The following ARHGEF3 variants were observed in gnomAD, a reference collection of about 807,000 sequenced individuals.
ARHGEF3 encodes the protein Rho guanine nucleotide exchange factor 3, also known as 59.8 kDA protein.
ARHGEF3 carries 28 observed loss-of-function variants against 63.2 expected under a neutral mutation model. The ratio of observed to expected loss-of-function variants is 0.44; its 90% CI spans 0.33 to 0.61. The LOEUF is 0.61. Among genes scored for constraint, ARHGEF3 ranks in the 20% least tolerant of loss-of-function variants. The probability of loss-of-function intolerance (pLI) is 0.03; values close to 1 mark genes in which losing one functional copy is unlikely to be tolerated. For synonymous variants in ARHGEF3, 266 were observed against 254.2 expected (o/e 1.05, Z -0.44); for missense variants, 533 against 659.3 (o/e 0.81, Z 2.10).
intron 1 of ARHGEF3, chr3:57,074,974 C>T (rs1004333853): frequency 1.2e-5 from 2 of 167,292 alleles, no homozygotes; most frequent in Non-Finnish European, 2.9e-5. Context: ...GTTCTGCCTA[C>T]ATTGTCTCAT....
chr3:56,876,726 C>T (rs1578738643), intron 4 of ARHGEF3, among the ~76,000 whole-genome samples: 2 of 152,236 alleles, frequency 1.3e-5, no homozygotes, highest in African/African-American at 4.8e-5. Flanking sequence ...TCCTATCCCA[C>T]TCCAAGTGAT....
At chr3:56,741,649 G>A (rs1363672560) in intron 7 of ARHGEF3, among the ~76,000 whole-genome samples, 9 of 151,536 alleles carry the variant, frequency 5.9e-5, no homozygotes, top group East Asian at 3.9e-4. Context: ...GACTACAGGC[G>A]CCTGCCACCA....
chr3:56,732,571 A>G (rs2033250431), intron 8 of ARHGEF3, 147 bp from the exon 9 acceptor site: 1 of 906,216 alleles, frequency 1.1e-6, no homozygotes, highest in African/African-American at 1.7e-5. Flanking sequence ...CAGGAGAACC[A>G]AAGTTGGGCA....
At position 57,051,957 on chromosome 3, in the gene ARHGEF3, T is replaced by G. The variant is rs912095431; in HGVS notation, c.-27-16781A>C. Among the ~76,000 whole-genome samples the G allele has an allele frequency of 1.0e-4, 15 of 149,398 alleles. No individual in the cohort carries two copies. The Admixed American group carries it at 1.0e-3, about 10-fold the overall frequency. Reference sequence around the variant, plus strand: ...TAGCCTGGGTGACAGAGTAAGAGTCTGCCTCAAAAAAAAAAAAGTACCCTT... The same window carrying G: ...TAGCCTGGGTGACAGAGTAAGAGTCGGCCTCAAAAAAAAAAAAGTACCCTT... On this transcript the variant is annotated intron_variant, in intron 1 of 12. Coordinates refer to the ARHGEF3 transcript ENST00000338458.
At chr3:57,058,826 G>C (rs568311683) in intron 1 of ARHGEF3, among the ~76,000 whole-genome samples, 1 of 152,114 alleles carries the variant, frequency 6.6e-6, no homozygotes, top group South Asian at 2.1e-4. Flanking sequence ...AAAATGATGA[G>C]TTCATGTCCT....
intron 3 of ARHGEF3, among the ~76,000 whole-genome samples, chr3:56,945,429 C>T (rs936191077): frequency 7.2e-5 from 11 of 152,164 alleles, no homozygotes; most frequent in Non-Finnish European, 1.5e-4. Flanking sequence ...TAATACTGAG[C>T]TTTTCCAACG....
chr3:56,773,018 TA>T (rs1479087359), intron 2 of ARHGEF3, among the ~76,000 whole-genome samples: 1 of 152,198 alleles, frequency 6.6e-6, no homozygotes, highest in Non-Finnish European at 1.5e-5. Flanking sequence ...GTCCTCATTC[TA>T]AGCCAAGGGT....
intron 2 of ARHGEF3, among the ~76,000 whole-genome samples, chr3:56,981,455 T>C (rs1644296249): frequency 6.6e-6 from 1 of 152,190 alleles, no homozygotes; most frequent in Admixed American, 6.5e-5. Context: ...AGGAGCAGCA[T>C]AGCTTGAGCA....
upstream of ARHGEF3, among the ~76,000 whole-genome samples, chr3:56,805,730 C>A (rs2037842019): frequency 6.6e-6 from 1 of 152,206 alleles, no homozygotes; most frequent in South Asian, 2.1e-4. Context: ...AAACATACCT[C>A]TTTTCCACTA....
intron 4 of ARHGEF3, among the ~76,000 whole-genome samples, chr3:56,879,117 T>G (rs2040686067): frequency 6.6e-6 from 1 of 152,232 alleles, no homozygotes; most frequent in Non-Finnish European, 1.5e-5. Context: ...TACATTATCA[T>G]GAGTTGTGTA....
intron 3 of ARHGEF3, among the ~76,000 whole-genome samples, chr3:56,899,063 A>C (rs1967185): frequency 0.2 from 30,765 of 152,054 alleles, 4,055 homozygotes; most frequent in East Asian, 0.52. Flanking sequence ...AAAAACAAAA[A>C]ACAACAACAA....
rs186429192 is a variant in ARHGEF3, at chr3:56,996,561, C to T, written c.63-37672G>A. Among the ~76,000 whole-genome samples the T allele has an allele frequency of 6.1e-4, 93 of 152,292 alleles. 1 individual carries two copies. In the East Asian group the frequency reaches 0.012, roughly 19 times the overall value. On this transcript the variant is annotated intron_variant, in intron 2 of 12. Transcript: ENST00000338458. The stretch of plus-strand genomic sequence containing the variant: ...ACAGTGAGAAGGCACCATCTATGAA[C>T]GAGGAAATGGGCCCTCACAAGATGC...
At chr3:56,851,516 T>C (rs1459738777) in intron 4 of ARHGEF3, among the ~76,000 whole-genome samples, 1 of 148,750 alleles carries the variant, frequency 6.7e-6, no homozygotes, top group Non-Finnish European at 1.5e-5. Context: ...GCCTCCCAAG[T>C]AGCTGGGACT....
rs752342971 is a variant in ARHGEF3 at position 56,737,239 on chromosome 3, G to T, written c.987C>A (p.Ile329=). ...YLEEGQKDSL[I]DSSRVLCCHG... is the part of the protein sequence containing the mutation. ...GACAACACAAGACTCGAGAGCTGTCGATCAGGGAGTCTTTCTGGCCTTCTT... is the reference window on the plus strand; with the variant it reads ...GACAACACAAGACTCGAGAGCTGTCTATCAGGGAGTCTTTCTGGCCTTCTT... Residue 329 remains isoleucine, a synonymous_variant, in exon 8 of 10, where the codon ATC becomes ATA. Coordinates refer to ENST00000296315, the MANE Select transcript of ARHGEF3 (RefSeq NM_019555.3). The T allele has an allele frequency of 1.2e-6, 2 of 1,613,930 alleles. No individual in the cohort carries two copies. The highest frequency in any genetic ancestry group is 1.7e-6 in the Non-Finnish European group (2 of 1,179,970).
intron 4 of ARHGEF3, among the ~76,000 whole-genome samples, chr3:56,866,878 C>G (rs2040268131): frequency 6.6e-6 from 1 of 152,216 alleles, no homozygotes. Context: ...TACCACTATC[C>G]TGAGAGATCT....
intron 1 of ARHGEF3, among the ~76,000 whole-genome samples, chr3:57,061,505 T>G (rs1422938388): frequency 6.6e-6 from 1 of 152,216 alleles, no homozygotes; most frequent in Non-Finnish European, 1.5e-5. Flanking sequence ...TTCCATTGTA[T>G]GTACATACCA....
Position 56,782,513 on chromosome 3 carries a change from C to T in ARHGEF3, c.97-8697G>A, listed in dbSNP as rs199646696. ...GCCACATTCTTGTGTTTGTTTTCTC[C>T]GGCCGTGAGTTTGGTTGCCAGTTGC... is the stretch of plus-strand genomic sequence containing the variant. On this transcript the variant is annotated intron_variant, in intron 1 of 9. Transcript: ENST00000296315. Among the ~76,000 whole-genome samples, 16 of 151,648 alleles carry T rather than the reference C, an allele frequency of 1.1e-4. 1 individual carries two copies. The East Asian group carries it at 1.7e-3, about 16-fold the overall frequency.
At chr3:56,855,047 G>A (rs1004320016) in intron 4 of ARHGEF3, among the ~76,000 whole-genome samples, 13 of 152,242 alleles carry the variant, frequency 8.5e-5, no homozygotes, top group Non-Finnish European at 1.3e-4. Context: ...GCAAGACCTG[G>A]TGGCCAAGGC....
chr3:56,954,783 A>G (rs1441449757), intron 3 of ARHGEF3, among the ~76,000 whole-genome samples: 1 of 152,210 alleles, frequency 6.6e-6, no homozygotes, highest in Non-Finnish European at 1.5e-5. Context: ...GAGAGGGGAT[A>G]TGTAATATGA....
Sources: gnomAD v4.1 joint callset for allele counts (sites outside exome capture counted in the v4.1 genomes callset) on GRCh38, gnomAD v4.1.1 for gene constraint, MANE v1.5 for transcripts, NCBI Gene and HGNC (gene_info 2026-07-23, HGNC 2026-07-21) for gene names.